Variants in HPCAL1 observed in about 807,000 individuals in gnomAD.
HPCAL1 encodes hippocalcin-like protein 1.
A neutral mutation model predicts 17.1 loss-of-function variants in HPCAL1; 8 were observed. That is an observed-to-expected ratio of 0.47 (90% CI 0.27 to 0.84). The LOEUF (loss-of-function observed/expected upper bound fraction) is 0.84. Ranked by LOEUF, HPCAL1 falls within the 40% of genes least tolerant of loss-of-function variation. The pLI, the probability that HPCAL1 is intolerant of heterozygous loss-of-function variation, is 0.13. For missense variants in HPCAL1, 165 were observed against 271.1 expected, an observed-to-expected ratio of 0.61 and a Z score of 2.75; for synonymous variants, 112 against 111.4, an observed-to-expected ratio of 1.01 and a Z score of -0.03.
At chr2:10,398,678 C>T (rs1669221049) in intron 2 of HPCAL1, among the ~76,000 whole-genome samples, 1 of 152,030 alleles carries the variant, frequency 6.6e-6, no homozygotes, top group Non-Finnish European at 1.5e-5. Context: ...CTCTGCCCGT[C>T]CCCTGCCCCG....
intron 2 of HPCAL1, among the ~76,000 whole-genome samples, chr2:10,409,412 A>C (rs1670187832): frequency 6.6e-6 from 1 of 152,212 alleles, no homozygotes; most frequent in South Asian, 2.1e-4. Flanking sequence ...ACCCAGGGGC[A>C]AAACGGGCCC....
At chr2:10,393,813 C>G (rs186015277) in intron 1 of HPCAL1, among the ~76,000 whole-genome samples, 1 of 152,174 alleles carries the variant, frequency 6.6e-6, no homozygotes, top group African/African-American at 2.4e-5. Context: ...ATTCCATGGC[C>G]TTTTAAAAAT....
chr2:10,332,045 T>C (rs1664419804), intron 1 of HPCAL1, among the ~76,000 whole-genome samples: 1 of 151,924 alleles, frequency 6.6e-6, no homozygotes, highest in Admixed American at 6.6e-5. Context: ...TTGTCACCCA[T>C]TGTCATTTAT....
intron 1 of HPCAL1, among the ~76,000 whole-genome samples, chr2:10,337,662 G>A (rs554107233): frequency 2.6e-4 from 39 of 152,302 alleles, no homozygotes; most frequent in Middle Eastern, 3.4e-3. Context: ...GGGATGAGGC[G>A]TAGACCCTGG....
At chr2:10,351,447 G>A (rs1302507638) in intron 1 of HPCAL1, among the ~76,000 whole-genome samples, 1 of 152,142 alleles carries the variant, frequency 6.6e-6, no homozygotes, top group African/African-American at 2.4e-5. Context: ...TGGGTACATG[G>A]TTTCTTTTGG....
chr2:10,396,007 G>A (rs1668999905), intron 1 of HPCAL1, among the ~76,000 whole-genome samples: 1 of 152,222 alleles, frequency 6.6e-6, no homozygotes, highest in African/African-American at 2.4e-5. Context: ...AGGCAGAGAA[G>A]AGGGAGGCGG....
intron 2 of HPCAL1, among the ~76,000 whole-genome samples, chr2:10,397,445 C>T (rs1669127060): frequency 6.6e-6 from 1 of 151,690 alleles, no homozygotes; most frequent in African/African-American, 2.4e-5. Flanking sequence ...GGGCATGTGG[C>T]TCTCCCCTCA....
At chr2:10,369,901 C>T (rs1361922730) in intron 1 of HPCAL1, among the ~76,000 whole-genome samples, 2 of 152,214 alleles carry the variant, frequency 1.3e-5, no homozygotes, top group Non-Finnish European at 2.9e-5. Flanking sequence ...CTTGAGACCT[C>T]CTTACTCCTT....
chr2:10,415,672 C>T (rs1465795878), intron 2 of HPCAL1, among the ~76,000 whole-genome samples: 1 of 152,192 alleles, frequency 6.6e-6, no homozygotes, highest in African/African-American at 2.4e-5. Flanking sequence ...TGCCCCAGGC[C>T]TCCTCTTGAT....
rs1477020714 is a variant in HPCAL1 at position 10,354,317 on chromosome 2, C to T, written c.-110-42518C>T. The T allele has an allele frequency of 6.6e-6, 1 of 152,232 alleles. No individual in the cohort carries two copies. The highest frequency in any genetic ancestry group is 2.4e-5 in the African/African-American group (1 of 41,454). The allele number at this position is 152,232 out of a possible 1,614,324, so 9.4% of individuals were successfully genotyped here. ...TCCACAAATACGTTCTAAGGGCCTC[C>T]TGCATTTCAGGCACTTCAGAGGACC... On this transcript the variant is annotated intron_variant, in intron 1 of 4. Coordinates refer to ENST00000307845, the MANE Select transcript of HPCAL1 (RefSeq NM_002149.4). This position sits in a 1 kb window ranked among gnomAD's most constrained non-coding sequence, Gnocchi z 5.1.
rs1668928030 is a variant in HPCAL1, at chr2:10,395,049, A to T, written c.-110-1786A>T. The stretch of plus-strand genomic sequence containing the variant: ...TGGAGTCAAGCAATCCACCTGCCTC[A>T]GCTTCCCAGAGTGCTGGGATTACAG... On this transcript the variant is annotated intron_variant, in intron 1 of 4. Transcript: ENST00000307845. The surrounding 1 kb of genome is among the most constrained non-coding windows in gnomAD (Gnocchi z 4.4). 6.6e-6 allele frequency among the ~76,000 whole-genome samples: 1 copy of T among 151,722 alleles called. No individual in the cohort carries two copies. The highest frequency in any genetic ancestry group is 6.6e-5 in the Admixed American group (1 of 15,222).
Position 10,362,685 on chromosome 2 carries a change from C to T in HPCAL1, c.-110-34150C>T, listed in dbSNP as rs756839706. On this transcript the variant is annotated intron_variant, in intron 1 of 4. Transcript: ENST00000307845. The surrounding 1 kb of genome is among the most constrained non-coding windows in gnomAD (Gnocchi z 5.0). ...TGCTTTGGGAGAGAAGGGAGGGTAGCCCTGAGGCCATCCCAAATGCGAGTC... is the reference window on the plus strand; with the variant it reads ...TGCTTTGGGAGAGAAGGGAGGGTAGTCCTGAGGCCATCCCAAATGCGAGTC... Among the ~76,000 whole-genome samples, 8 of 152,192 alleles carry T rather than the reference C, an allele frequency of 5.3e-5. No homozygotes were observed. Among genetic ancestry groups the T allele is most frequent in the East Asian group, 1.9e-4 (1 of 5,190 alleles).
At chr2:10,417,224 A>T (rs1416652999) in intron 2 of HPCAL1, among the ~76,000 whole-genome samples, 1 of 152,084 alleles carries the variant, frequency 6.6e-6, no homozygotes, top group Admixed American at 6.5e-5. Context: ...TTAGCTGGGC[A>T]TGGTGGTGCA....
rs556489131 is a variant in HPCAL1, at chr2:10,355,334, C to G, written c.-110-41501C>G. Among the ~76,000 whole-genome samples the G allele has an allele frequency of 6.7e-3, 1,005 of 149,446 alleles. 7 individuals are homozygous for G. The highest frequency in any genetic ancestry group is 0.011 in the Non-Finnish European group (730 of 66,820). ...GGCGTAGTGGCGGGCGCCTGTAGTC[C>G]CAGCTACTTGGGAGGCTGAGGCAGG... On this transcript the variant is annotated intron_variant, in intron 1 of 4. Coordinates refer to ENST00000307845, the MANE Select transcript of HPCAL1 (RefSeq NM_002149.4).
In HPCAL1 at chr2:10,419,604, G is replaced by C; in HGVS notation, c.-24-130G>C. ...TCCATAAGATAGCGGCATGCCTTCC[G>C]ATGGGGGACCCGGGAGTTGCTGAGT... On this transcript the variant is annotated intron_variant, in intron 2 of 4. Transcript: ENST00000307845. This position sits in a 1 kb window ranked among gnomAD's most constrained non-coding sequence, Gnocchi z 5.0. The C allele has an allele frequency of 1.2e-6, 1 of 818,354 alleles. No homozygotes were observed. The highest frequency in any genetic ancestry group is 1.9e-6 in the Non-Finnish European group (1 of 538,802). The allele number at this position is 818,354 out of a possible 1,614,324, so 50.7% of individuals were successfully genotyped here.
chr2:10,391,755 G>T (rs1668708774), intron 1 of HPCAL1, among the ~76,000 whole-genome samples: 1 of 152,160 alleles, frequency 6.6e-6, no homozygotes. Flanking sequence ...TTGGGGTCTT[G>T]TTGCTGTTTT....
In HPCAL1 at chr2:10,342,740, A is replaced by G. The variant is rs1665175258; in HGVS notation, c.-111+39563A>G. 6.6e-6 allele frequency among the ~76,000 whole-genome samples: 1 copy of G among 151,876 alleles called. No homozygotes were observed. The highest frequency in any genetic ancestry group is 6.5e-5 in the Admixed American group (1 of 15,282). On this transcript the variant is annotated intron_variant, in intron 1 of 4. Coordinates refer to ENST00000307845, the MANE Select transcript of HPCAL1 (RefSeq NM_002149.4). This position sits in a 1 kb window ranked among gnomAD's most constrained non-coding sequence, Gnocchi z 4.1. ...TTGTCACCCAGCCGGACTCCTGGGC[A>G]AAGAGAGGCACAATCTGTTCCCGGT...
intron 2 of HPCAL1, among the ~76,000 whole-genome samples, chr2:10,406,669 C>T (rs764985048): frequency 4.6e-5 from 7 of 152,256 alleles, no homozygotes; most frequent in African/African-American, 7.2e-5. Context: ...CCACCGGGCT[C>T]GCTCTAGCCT....
intron 1 of HPCAL1, among the ~76,000 whole-genome samples, chr2:10,374,336 T>G (rs1031455092): frequency 2.6e-5 from 4 of 151,234 alleles, no homozygotes; most frequent in Admixed American, 2.0e-4. Flanking sequence ...GGTGGTCGCC[T>G]TCTCACACAG....
Sources: gnomAD v4.1 joint callset for allele counts (sites outside exome capture counted in the v4.1 genomes callset) on GRCh38, gnomAD v4.1.1 for gene constraint, Gnocchi (gnomAD v3.1) non-coding constraint, MANE v1.5 for transcripts, NCBI Gene and HGNC (gene_info 2026-07-23, HGNC 2026-07-21) for gene names.